Variants in UBASH3B observed in about 807,000 individuals in gnomAD.
UBASH3B encodes ubiquitin associated and SH3 domain containing B, also known as ubiquitin-associated and SH3 domain-containing protein B.
UBASH3B carries 37 observed loss-of-function variants against 83.4 expected under a neutral mutation model. The ratio of observed to expected loss-of-function variants is 0.44; its 90% CI spans 0.34 to 0.58. The LOEUF (loss-of-function observed/expected upper bound fraction) is 0.58, where lower values mean the gene tolerates loss of function less well. UBASH3B is among the 20% of genes least tolerant of loss of function. UBASH3B has a pLI of 0.01. For missense variants in UBASH3B, 657 were observed against 827.2 expected (o/e 0.79, Z 2.52); for synonymous variants, 304 against 318.3 (o/e 0.96, Z 0.48).
intron 1 of UBASH3B, among the ~76,000 whole-genome samples, chr11:122,694,070 G>A (rs1863930329): frequency 6.6e-6 from 1 of 152,098 alleles, no homozygotes; most frequent in South Asian, 2.1e-4. Context: ...GCCTGATTTG[G>A]GTGATATGTA....
chr11:122,774,186 G>T (rs1274388799), intron 1 of UBASH3B: 3 of 985,352 alleles, frequency 3.0e-6, no homozygotes, highest in African/African-American at 1.7e-5. Context: ...GGGTCTCTGT[G>T]CTTCCAGCCT....
At chr11:122,679,198 G>A (rs1002756572) in intron 1 of UBASH3B, among the ~76,000 whole-genome samples, 2 of 152,220 alleles carry the variant, frequency 1.3e-5, no homozygotes, top group African/African-American at 4.8e-5. Flanking sequence ...GGGGTGGGGC[G>A]AGGAGGGGAT....
At chr11:122,731,654 G>A (rs1860846235) in intron 1 of UBASH3B, among the ~76,000 whole-genome samples, 1 of 152,170 alleles carries the variant, frequency 6.6e-6, no homozygotes, top group African/African-American at 2.4e-5. Context: ...GGAGTTGGAT[G>A]GCTCAAGATT....
chr11:122,670,608 T>C (rs1863581607), intron 1 of UBASH3B, among the ~76,000 whole-genome samples: 1 of 152,072 alleles, frequency 6.6e-6, no homozygotes, highest in South Asian at 2.1e-4. Context: ...GCACGATAAA[T>C]GGTAGGCATG....
At chr11:122,725,674 G>A (rs1333625093) in intron 1 of UBASH3B, among the ~76,000 whole-genome samples, 1 of 152,032 alleles carries the variant, frequency 6.6e-6, no homozygotes, top group African/African-American at 2.4e-5. Flanking sequence ...TCCATTGCTT[G>A]TTTCATTTTT....
chr11:122,770,664 C>T lies in UBASH3B; in HGVS notation c.162-5555C>T, dbSNP rs143345692. Among the ~76,000 whole-genome samples the T allele has an allele frequency of 1.8e-3, 281 of 152,310 alleles. 2 individuals are homozygous for T. Among genetic ancestry groups the T allele is most frequent in the African/African-American group, 6.2e-3 (258 of 41,560 alleles). ...TTTAATGATACCTGGTCCCACTATT[C>T]GCCTGGAACAATACTAAGCTCACTG... is the stretch of plus-strand genomic sequence containing the variant. On this transcript the variant is annotated intron_variant, in intron 1 of 13. Coordinates refer to ENST00000284273, the MANE Select transcript of UBASH3B (RefSeq NM_032873.5).
At chr11:122,776,195 T>C (rs1460892607) in intron 1 of UBASH3B, 24 bp from the exon 2 acceptor site, 25 of 1,609,192 alleles carry the variant, frequency 1.6e-5, no homozygotes, top group Admixed American at 3.4e-5. Flanking sequence ...ATATTAACAA[T>C]AGAAATTTGA....
intron 1 of UBASH3B, among the ~76,000 whole-genome samples, chr11:122,684,966 G>A (rs899832263): frequency 3.9e-5 from 6 of 152,174 alleles, no homozygotes; most frequent in African/African-American, 1.4e-4. Context: ...TTATATAACT[G>A]ATAAATCATT....
intron 1 of UBASH3B, among the ~76,000 whole-genome samples, chr11:122,658,071 G>A (rs1863387367): frequency 6.6e-6 from 1 of 151,876 alleles, no homozygotes; most frequent in Non-Finnish European, 1.5e-5. Context: ...AGCTACTTGG[G>A]AGGCTGAGAT....
chr11:122,666,737 C>A (rs1863525266), intron 1 of UBASH3B, among the ~76,000 whole-genome samples: 2 of 152,128 alleles, frequency 1.3e-5, no homozygotes, highest in African/African-American at 2.4e-5. Flanking sequence ...TTTGAATCAA[C>A]TTTTCCTTGA....
At chr11:122,775,088 G>T (rs1442150665) in intron 1 of UBASH3B, among the ~76,000 whole-genome samples, 1 of 152,160 alleles carries the variant, frequency 6.6e-6, no homozygotes, top group Non-Finnish European at 1.5e-5. Flanking sequence ...TTAGGGCAGG[G>T]ATCACATAAG....
Position 122,796,291 on chromosome 11 carries a change from G to A in UBASH3B, c.1234+15G>A. 1 of 1,613,510 alleles carries A rather than the reference G, an allele frequency of 6.2e-7. No homozygotes were observed. Among genetic ancestry groups the A allele is most frequent in the Non-Finnish European group, 8.5e-7 (1 of 1,179,708 alleles). On this transcript the variant is annotated intron_variant, in intron 8 of 13. Coordinates refer to ENST00000284273, the MANE Select transcript of UBASH3B (RefSeq NM_032873.5). Reference sequence around the variant, plus strand: ...CGATGCCAAAGGTGAGTTGGTGGTGGGCCTGCTCAGCACTGCCATACCCAT... The same window carrying A: ...CGATGCCAAAGGTGAGTTGGTGGTGAGCCTGCTCAGCACTGCCATACCCAT...
intron 1 of UBASH3B, among the ~76,000 whole-genome samples, chr11:122,665,830 G>A (rs1237553989): frequency 6.6e-6 from 1 of 152,174 alleles, no homozygotes; most frequent in Non-Finnish European, 1.5e-5. Flanking sequence ...TAAGAGGAAG[G>A]TAGTGCCTTG....
intron 1 of UBASH3B, among the ~76,000 whole-genome samples, chr11:122,769,490 T>C (rs1205033401): frequency 6.6e-6 from 1 of 152,190 alleles, no homozygotes; most frequent in Non-Finnish European, 1.5e-5. Context: ...TCCCTTATCC[T>C]CATTTTTCTT....
At chr11:122,741,873 A>C (rs1286901774) in intron 1 of UBASH3B, among the ~76,000 whole-genome samples, 2 of 152,140 alleles carry the variant, frequency 1.3e-5, no homozygotes, top group East Asian at 3.8e-4. Context: ...AGCCTTGAGC[A>C]ATTCCTAAGT....
chr11:122,756,747 C>T (rs10892893), intron 1 of UBASH3B, among the ~76,000 whole-genome samples: 51,421 of 152,080 alleles, frequency 0.34, 9,844 homozygotes, highest in Non-Finnish European at 0.43. Context: ...GCTGAGTGGT[C>T]ATCTCTTAGG....
At chr11:122,724,427 G>A (rs1269582523) in intron 1 of UBASH3B, among the ~76,000 whole-genome samples, 1 of 152,238 alleles carries the variant, frequency 6.6e-6, no homozygotes, top group Non-Finnish European at 1.5e-5. Context: ...AGGGCATAGA[G>A]GCAACCACCA....
Position 122,690,238 on chromosome 11 carries a change from A to T in UBASH3B, c.161+34028A>T, listed in dbSNP as rs866082870. ...ATTATATATATATATATCCAATTTTATATATATATATATCCAATTATATAT... is the reference window on the plus strand; with the variant it reads ...ATTATATATATATATATCCAATTTTTTATATATATATATCCAATTATATAT... On this transcript the variant is annotated intron_variant, in intron 1 of 13. Transcript: ENST00000284273. Among the ~76,000 whole-genome samples the T allele has an allele frequency of 8.1e-3, 1,062 of 130,336 alleles. 22 individuals carry two copies. The highest frequency in any genetic ancestry group is 0.029 in the African/African-American group (992 of 34,546). The allele number at this position is 130,336 out of a possible 152,430, so 85.5% of individuals were successfully genotyped here.
chr11:122,686,659 G>A (rs1250257885), intron 1 of UBASH3B, among the ~76,000 whole-genome samples: 1 of 152,066 alleles, frequency 6.6e-6, no homozygotes, highest in Non-Finnish European at 1.5e-5. Context: ...CCGTGTGCAG[G>A]CGTTTGGGAG....
Sources: allele counts gnomAD v4.1 joint callset (sites outside exome capture counted in the v4.1 genomes callset), GRCh38; gene constraint gnomAD v4.1.1; transcripts MANE v1.5; gene names NCBI Gene and HGNC (gene_info 2026-07-23, HGNC 2026-07-21).